KCNQ5: variants seen among roughly 807,000 people sequenced by gnomAD.
KCNQ5 encodes potassium voltage-gated channel subfamily KQT member 5.
Under a neutral mutation model 98.2 loss-of-function variants are expected in KCNQ5, and 30 were observed. The ratio of observed to expected loss-of-function variants is 0.31; its 90% CI spans 0.23 to 0.41. The LOEUF is 0.41. Among genes scored for constraint, KCNQ5 ranks in the 10% least tolerant of loss-of-function variants. The pLI, the probability that KCNQ5 is intolerant of heterozygous loss-of-function variation, is 1.00. For missense variants in KCNQ5, 835 were observed against 1,182.5 expected, an observed-to-expected ratio of 0.71 and a Z score of 4.31; for synonymous variants, 458 against 449.4, an observed-to-expected ratio of 1.02 and a Z score of -0.24.
chr6:72,689,723 A>G (rs1409693756), intron 1 of KCNQ5, among the ~76,000 whole-genome samples: 1 of 152,204 alleles, frequency 6.6e-6, no homozygotes, highest in Non-Finnish European at 1.5e-5. Flanking sequence ...CAATTCAGTG[A>G]CATTGCATGC....
chr6:72,892,481 G>A (rs542038575), intron 1 of KCNQ5, among the ~76,000 whole-genome samples: 3 of 152,248 alleles, frequency 2.0e-5, no homozygotes, highest in Non-Finnish European at 1.5e-5. Flanking sequence ...AAACTATGCC[G>A]GTGGCTTCAC....
intron 1 of KCNQ5, among the ~76,000 whole-genome samples, chr6:72,931,903 A>G (rs1322301276): frequency 6.6e-6 from 1 of 152,170 alleles, no homozygotes; most frequent in Middle Eastern, 3.2e-3. Flanking sequence ...GACTGAAAAC[A>G]GGCAGGTAAA....
At chr6:73,047,923 G>T (rs1772044183) in intron 3 of KCNQ5, among the ~76,000 whole-genome samples, 2 of 152,156 alleles carry the variant, frequency 1.3e-5, no homozygotes, top group South Asian at 4.1e-4. Flanking sequence ...ATGAGTGATT[G>T]TATAAAACAA....
intron 1 of KCNQ5, among the ~76,000 whole-genome samples, chr6:72,665,234 G>A (rs1766743735): frequency 6.6e-6 from 1 of 151,030 alleles, no homozygotes; most frequent in Non-Finnish European, 1.5e-5. Flanking sequence ...TGTAGTCCCA[G>A]CTACTCAGTA....
intron 1 of KCNQ5, among the ~76,000 whole-genome samples, chr6:72,925,511 C>T (rs1290058620): frequency 6.6e-6 from 1 of 152,166 alleles, no homozygotes; most frequent in Non-Finnish European, 1.5e-5. Flanking sequence ...GTATGTGCCA[C>T]TTGCTCTTCT....
chr6:73,177,498 T>C (rs913236901), intron 11 of KCNQ5, among the ~76,000 whole-genome samples: 1 of 152,216 alleles, frequency 6.6e-6, no homozygotes, highest in African/African-American at 2.4e-5. Context: ...CTGAAAGGCA[T>C]GTATGGGACC....
At chr6:72,697,363 A>G (rs1768554088) in intron 1 of KCNQ5, among the ~76,000 whole-genome samples, 1 of 152,224 alleles carries the variant, frequency 6.6e-6, no homozygotes, top group Admixed American at 6.5e-5. Flanking sequence ...TAGAAGTTAT[A>G]GGACACAATA....
At chr6:73,072,341 C>T (rs986300879) in intron 3 of KCNQ5, among the ~76,000 whole-genome samples, 1 of 152,134 alleles carries the variant, frequency 6.6e-6, no homozygotes, top group African/African-American at 2.4e-5. Context: ...TGATTTAGTT[C>T]TTTTCATTGT....
chr6:73,038,267 C>T (rs981911525), intron 2 of KCNQ5, among the ~76,000 whole-genome samples: 6 of 151,914 alleles, frequency 3.9e-5, no homozygotes, highest in Admixed American at 2.6e-4. Context: ...AGAGTGTCTT[C>T]GTAGATTTCT....
At chr6:73,003,155 C>T (rs1254438755) in intron 1 of KCNQ5, among the ~76,000 whole-genome samples, 1 of 152,028 alleles carries the variant, frequency 6.6e-6, no homozygotes, top group Non-Finnish European at 1.5e-5. Context: ...AAACTCAGCT[C>T]CCGCCTTGAT....
intron 1 of KCNQ5, among the ~76,000 whole-genome samples, chr6:72,840,408 A>T (rs1776737892): frequency 6.6e-6 from 1 of 152,176 alleles, no homozygotes; most frequent in East Asian, 1.9e-4. Flanking sequence ...CTTGAGCGGA[A>T]TTTATACACA....
chr6:73,112,502 C>T (rs71573582), intron 7 of KCNQ5, among the ~76,000 whole-genome samples: 1 of 152,044 alleles, frequency 6.6e-6, no homozygotes, highest in African/African-American at 2.4e-5. Context: ...CCCGCCACCG[C>T]GCCCGGCTAA....
chr6:72,814,278 T>C (rs1775391271), intron 1 of KCNQ5, among the ~76,000 whole-genome samples: 1 of 152,196 alleles, frequency 6.6e-6, no homozygotes, highest in Non-Finnish European at 1.5e-5. Flanking sequence ...CAGTGCAATG[T>C]AATGGCTCAC....
intron 1 of KCNQ5, among the ~76,000 whole-genome samples, chr6:72,979,901 C>T (rs1216747476): frequency 1.3e-5 from 2 of 152,128 alleles, no homozygotes; most frequent in Non-Finnish European, 2.9e-5. Flanking sequence ...TATGGCTAGC[C>T]AGTTTTCCCA....
intron 10 of KCNQ5, chr6:73,134,118 G>C (rs1026927683): frequency 2.1e-5 from 8 of 383,382 alleles, no homozygotes; most frequent in Non-Finnish European, 3.7e-5. Context: ...CAGCAAATCA[G>C]AGACCACTGC....
intron 1 of KCNQ5, among the ~76,000 whole-genome samples, chr6:72,921,176 T>C (rs1358002309): frequency 1.3e-5 from 2 of 152,038 alleles, no homozygotes; most frequent in Non-Finnish European, 2.9e-5. Flanking sequence ...ATAATATACA[T>C]GTTATAAAAT....
chr6:72,909,251 G>A (rs1779824674), intron 1 of KCNQ5, among the ~76,000 whole-genome samples: 1 of 152,128 alleles, frequency 6.6e-6, no homozygotes, highest in Non-Finnish European at 1.5e-5. Flanking sequence ...GTGTTCTCTA[G>A]AGAAAATAGC....
intron 1 of KCNQ5, among the ~76,000 whole-genome samples, chr6:72,978,155 C>T (rs1303446696): frequency 2.6e-5 from 4 of 152,204 alleles, no homozygotes; most frequent in East Asian, 1.9e-4. Context: ...AATAAATGCT[C>T]TCCTGTTGCA....
At chr6:73,100,395 T>C (rs995353967) in intron 5 of KCNQ5, among the ~76,000 whole-genome samples, 6 of 152,078 alleles carry the variant, frequency 3.9e-5, no homozygotes, top group African/African-American at 1.4e-4. Flanking sequence ...GGCCAGGCAC[T>C]GTGGCTCACG....
Sources: allele counts gnomAD v4.1 joint callset (sites outside exome capture counted in the v4.1 genomes callset), GRCh38; gene constraint gnomAD v4.1.1; transcripts MANE v1.5; gene names NCBI Gene and HGNC (gene_info 2026-07-23, HGNC 2026-07-21).